Variants in PTPRN2 observed in about 807,000 individuals in gnomAD.
PTPRN2 encodes protein tyrosine phosphatase receptor type N2.
PTPRN2 carries 74 observed loss-of-function variants against 118.8 expected under a neutral mutation model. The ratio of observed to expected loss-of-function variants is 0.62; its 90% confidence interval spans 0.52 to 0.76. The LOEUF is 0.76. PTPRN2 is among the 30% of genes least tolerant of loss of function. PTPRN2 has a pLI of 0.00. For synonymous variants in PTPRN2, 641 were observed against 608.0 expected (o/e 1.05, Z -0.80); for missense variants, 1,481 against 1,394.4 (o/e 1.06, Z -0.99).
intron 2 of PTPRN2, among the ~76,000 whole-genome samples, chr7:158,343,687 C>A (rs1348945481): frequency 6.6e-6 from 1 of 151,418 alleles, no homozygotes; most frequent in Non-Finnish European, 1.5e-5. Flanking sequence ...GCAGAGCTCG[C>A]GCAGAGGCTC....
chr7:157,705,424 T>A (rs1442855522), intron 12 of PTPRN2, among the ~76,000 whole-genome samples: 2 of 152,208 alleles, frequency 1.3e-5, no homozygotes. Context: ...ATGAATTGAG[T>A]GAATCTGACG....
At chr7:157,706,605 T>C (rs1178490614) in intron 12 of PTPRN2, among the ~76,000 whole-genome samples, 1 of 151,504 alleles carries the variant, frequency 6.6e-6, no homozygotes, top group African/African-American at 2.4e-5. Context: ...TGGGTGAATC[T>C]GACCCCAGTG....
At chr7:158,160,777 T>G (rs1245855345) in intron 6 of PTPRN2, among the ~76,000 whole-genome samples, 1 of 152,238 alleles carries the variant, frequency 6.6e-6, no homozygotes, top group Admixed American at 6.5e-5. Flanking sequence ...ACACAGTTCA[T>G]CTGCTCATAA....
chr7:158,336,709 C>G (rs1185790787), intron 2 of PTPRN2, among the ~76,000 whole-genome samples: 1 of 127,194 alleles, frequency 7.9e-6, no homozygotes, highest in African/African-American at 2.9e-5. Context: ...CACTCACACC[C>G]ACACTCTCAC....
At chr7:158,567,508 G>A (rs181313957) in intron 1 of PTPRN2, among the ~76,000 whole-genome samples, 61 of 152,314 alleles carry the variant, frequency 4.0e-4, no homozygotes, top group African/African-American at 1.3e-3. Flanking sequence ...GCAGACCTCC[G>A]GCTCCCACTC....
intron 11 of PTPRN2, among the ~76,000 whole-genome samples, chr7:157,955,402 G>A (rs953254178): frequency 6.6e-6 from 1 of 151,928 alleles, no homozygotes; most frequent in Non-Finnish European, 1.5e-5. Context: ...ACATCCCCCT[G>A]GGTGGGAGCT....
intron 10 of PTPRN2, among the ~76,000 whole-genome samples, chr7:158,098,004 C>A (rs1366282374): frequency 6.6e-6 from 1 of 152,288 alleles, no homozygotes; most frequent in Admixed American, 6.5e-5. Context: ...CTGCTCCCCT[C>A]GAGACACCAA....
chr7:158,344,294 A>T (rs4909189), intron 2 of PTPRN2, among the ~76,000 whole-genome samples: 46,463 of 152,008 alleles, frequency 0.31, 8,040 homozygotes, highest in African/African-American at 0.46. Context: ...GGAACAAGGC[A>T]GTTTAGTAAC....
intron 22 of PTPRN2, 85 bp from the exon 23 acceptor site, chr7:157,540,870 G>A: frequency 8.8e-7 from 1 of 1,140,234 alleles, no homozygotes; most frequent in Admixed American, 2.2e-5. Flanking sequence ...GCAGATGAAA[G>A]CGGCGTCCCC....
At chr7:158,417,777 TAA>T (rs779524228) in intron 2 of PTPRN2, among the ~76,000 whole-genome samples, 1 of 89,438 alleles carries the variant, frequency 1.1e-5, no homozygotes, top group Admixed American at 1.1e-4. Context: ...CCCGCTGTGT[TAA>T]GTCACGGTGT....
intron 3 of PTPRN2, among the ~76,000 whole-genome samples, chr7:158,224,261 T>C (rs1256200516): frequency 2.0e-5 from 3 of 152,154 alleles, no homozygotes; most frequent in East Asian, 3.8e-4. Flanking sequence ...AAGCAAGTTA[T>C]ATGGAAGAGC....
At chr7:158,119,115 C>T (rs1816946630) in intron 9 of PTPRN2, among the ~76,000 whole-genome samples, 1 of 152,156 alleles carries the variant, frequency 6.6e-6, no homozygotes, top group Non-Finnish European at 1.5e-5. Context: ...ATTTACATCA[C>T]TATTTAAGAA....
intron 1 of PTPRN2, among the ~76,000 whole-genome samples, chr7:158,523,514 G>GTCTGCCCTGGAGTGGAGTCA (rs1824418950): frequency 6.3e-5 from 5 of 79,672 alleles, no homozygotes; most frequent in Admixed American, 1.6e-4. Flanking sequence ...GAGTGGAGTC[G>GTCTGCCCTGGAGTGGAGTCA]TCTGCCCTGG....
intron 5 of PTPRN2, among the ~76,000 whole-genome samples, chr7:158,191,596 T>A (rs1330482042): frequency 6.6e-6 from 1 of 152,202 alleles, no homozygotes. Context: ...AAATCATGCC[T>A]GCTTTTCCAT....
intron 22 of PTPRN2, among the ~76,000 whole-genome samples, chr7:157,543,825 C>T (rs1798127083): frequency 6.6e-6 from 1 of 152,178 alleles, no homozygotes; most frequent in African/African-American, 2.4e-5. Context: ...TGTCTGTCAC[C>T]TTCAGCTTCT....
intron 11 of PTPRN2, among the ~76,000 whole-genome samples, chr7:158,004,040 G>T (rs1805473073): frequency 6.6e-6 from 1 of 152,166 alleles, no homozygotes; most frequent in African/African-American, 2.4e-5. Context: ...GATGGGAGCA[G>T]CCCCCATGGC....
At chr7:158,055,970 C>T (rs10254856) in intron 11 of PTPRN2, among the ~76,000 whole-genome samples, 60,447 of 152,034 alleles carry the variant, frequency 0.4, 12,550 homozygotes, top group African/African-American at 0.53. Flanking sequence ...CACAGAGCGA[C>T]ACTTCTAACG....
chr7:157,803,417 G>A (rs1002251645), intron 12 of PTPRN2, among the ~76,000 whole-genome samples: 2 of 152,248 alleles, frequency 1.3e-5, no homozygotes, highest in African/African-American at 4.8e-5. Context: ...TTTCCCTGCT[G>A]ATGCAGGAGC....
intron 3 of PTPRN2, among the ~76,000 whole-genome samples, chr7:158,286,509 T>C (rs1271840033): frequency 6.6e-6 from 1 of 152,226 alleles, no homozygotes; most frequent in Non-Finnish European, 1.5e-5. Flanking sequence ...GTCTTTATTA[T>C]GTTGAAGCAC....
Sources: allele counts gnomAD v4.1 joint callset (sites outside exome capture counted in the v4.1 genomes callset), GRCh38; gene constraint gnomAD v4.1.1; transcripts MANE v1.5; gene names NCBI Gene and HGNC (gene_info 2026-07-23, HGNC 2026-07-21).